Variants in THSD7B observed in about 807,000 individuals in gnomAD.
THSD7B encodes the protein thrombospondin type 1 domain containing 7B.
Under a neutral mutation model 213.6 loss-of-function variants are expected in THSD7B, and 138 were observed. The ratio of observed to expected loss-of-function variants is 0.65; its 90% CI spans 0.56 to 0.74. The LOEUF (loss-of-function observed/expected upper bound fraction) is 0.74. Among genes scored for constraint, THSD7B ranks in the 30% least tolerant of loss-of-function variants. The pLI is 0.00. For missense variants in THSD7B, 1,931 were observed against 1,991.5 expected (o/e 0.97, Z 0.58); for synonymous variants, 742 against 687.0 (o/e 1.08, Z -1.25).
intron 10 of THSD7B, among the ~76,000 whole-genome samples, chr2:137,267,347 G>A (rs1439756817): frequency 6.6e-6 from 1 of 152,026 alleles, no homozygotes; most frequent in Non-Finnish European, 1.5e-5. Context: ...TTCTTCATAG[G>A]CCTAATGAGG....
chr2:137,534,826 T>C (rs1022448730), intron 15 of THSD7B, among the ~76,000 whole-genome samples: 1 of 151,798 alleles, frequency 6.6e-6, no homozygotes, highest in Non-Finnish European at 1.5e-5. Context: ...TAACATATTC[T>C]TTCAGGTGAT....
At chr2:137,583,028 C>A (rs1342060842) in intron 17 of THSD7B, among the ~76,000 whole-genome samples, 1 of 152,186 alleles carries the variant, frequency 6.6e-6, no homozygotes, top group Non-Finnish European at 1.5e-5. Context: ...TGATGATCAC[C>A]ATTCTAACTG....
intron 15 of THSD7B, among the ~76,000 whole-genome samples, chr2:137,501,818 A>T (rs1315391617): frequency 6.6e-6 from 1 of 152,224 alleles, no homozygotes; most frequent in Non-Finnish European, 1.5e-5. Context: ...GAGATAAGTT[A>T]AATTTAGTGG....
At position 136,998,909 on chromosome 2, in the gene THSD7B, GACACACACACACACAC is replaced by G. The variant is rs57138045; in HGVS notation, c.140-57476_140-57461del. 9.3e-3 allele frequency among the ~76,000 whole-genome samples: 1,213 copies of G among 129,976 alleles called. 20 individuals are homozygous for G. The highest frequency in any genetic ancestry group is 0.032 in the African/African-American group (1,122 of 35,394). The allele number at this position is 129,976 out of a possible 152,430, so 85.3% of individuals were successfully genotyped here. A position where few individuals can be genotyped will look rare whatever the true frequency, so the allele number is the denominator to read the frequency against. On this transcript the variant is annotated intron_variant, in intron 2 of 27. Transcript: ENST00000409968. ...TTTCATGCTCCTTGAATACCCAACA[GACACACACACACACAC>G]ACACACACACACACACACACACACA...
chr2:137,614,084 A>G (rs962265508), intron 17 of THSD7B, among the ~76,000 whole-genome samples: 11 of 152,142 alleles, frequency 7.2e-5, no homozygotes, highest in African/African-American at 2.7e-4. Context: ...GCCTGTTTCT[A>G]TGGGAAGAAA....
At chr2:136,921,912 G>A (rs1184376315) in intron 2 of THSD7B, among the ~76,000 whole-genome samples, 3 of 152,196 alleles carry the variant, frequency 2.0e-5, no homozygotes, top group African/African-American at 7.2e-5. Context: ...TTTCTAAGCT[G>A]TAAAGAAAGG....
chr2:137,429,625 T>C (rs1687131780), intron 14 of THSD7B, among the ~76,000 whole-genome samples: 1 of 152,150 alleles, frequency 6.6e-6, no homozygotes, highest in South Asian at 2.1e-4. Context: ...GGTTAGACAT[T>C]GGGAAATTTT....
intron 3 of THSD7B, among the ~76,000 whole-genome samples, chr2:137,086,996 G>T (rs1323291483): frequency 6.6e-6 from 1 of 152,142 alleles, no homozygotes; most frequent in East Asian, 1.9e-4. Flanking sequence ...CACAACCAAA[G>T]GTCCCACTAA....
chr2:136,831,166 A>G (rs1001755779), intron 1 of THSD7B, among the ~76,000 whole-genome samples: 9 of 115,878 alleles, frequency 7.8e-5, no homozygotes, highest in Non-Finnish European at 1.1e-4. Flanking sequence ...CAATTTTCCA[A>G]TGGGATTTTC....
chr2:137,447,611 G>A (rs1232579271), intron 14 of THSD7B, among the ~76,000 whole-genome samples: 1 of 151,784 alleles, frequency 6.6e-6, no homozygotes, highest in African/African-American at 2.4e-5. Flanking sequence ...TTATGTTAGA[G>A]GATTAGTCTT....
intron 5 of THSD7B, among the ~76,000 whole-genome samples, chr2:137,115,777 A>G (rs892877): frequency 0.87 from 132,757 of 152,150 alleles, 58,311 homozygotes; most frequent in African/African-American, 0.94. Context: ...GGAGAAAACC[A>G]TAGCTTTCTC....
chr2:137,136,213 G>T lies in THSD7B; in HGVS notation c.1369+20920G>T, dbSNP rs186200974. On this transcript the variant is annotated intron_variant, in intron 5 of 27. Coordinates refer to ENST00000409968, the MANE Select transcript of THSD7B (RefSeq NM_001316349.2). ...TATTTCATGTAGGTGACAGGTTGAT[G>T]GGTGGAGCAAAACCACCAAGGCACA... 4.2e-3 allele frequency among the ~76,000 whole-genome samples: 643 copies of T among 152,188 alleles called. 3 individuals carry two copies. Among genetic ancestry groups the T allele is most frequent in the African/African-American group, 0.015 (616 of 41,536 alleles).
intron 12 of THSD7B, among the ~76,000 whole-genome samples, chr2:137,295,025 T>C (rs1183238444): frequency 6.6e-6 from 1 of 152,146 alleles, no homozygotes; most frequent in African/African-American, 2.4e-5. Context: ...AATACTCACA[T>C]ACTACTTTCA....
intron 15 of THSD7B, among the ~76,000 whole-genome samples, chr2:137,463,657 T>C (rs1265721479): frequency 6.6e-6 from 1 of 152,056 alleles, no homozygotes; most frequent in Non-Finnish European, 1.5e-5. Context: ...CAAAAGATGT[T>C]CTCTCTTTGA....
chr2:136,964,097 C>T (rs1685275452), intron 2 of THSD7B, among the ~76,000 whole-genome samples: 1 of 152,104 alleles, frequency 6.6e-6, no homozygotes, highest in African/African-American at 2.4e-5. Context: ...AATTTGATAC[C>T]ACGGGATTCC....
chr2:137,530,445 AT>A (rs571680398), intron 15 of THSD7B, among the ~76,000 whole-genome samples: 1 of 152,024 alleles, frequency 6.6e-6, no homozygotes, highest in South Asian at 2.1e-4. Context: ...AACAACTGAA[AT>A]GGGACTAAAC....
intron 2 of THSD7B, among the ~76,000 whole-genome samples, chr2:136,885,111 A>G (rs1245183059): frequency 6.6e-6 from 1 of 152,176 alleles, no homozygotes; most frequent in East Asian, 1.9e-4. Flanking sequence ...ACTCAGGTCC[A>G]GTGTAATTTG....
At chr2:137,430,006 A>G (rs10928609) in intron 14 of THSD7B, among the ~76,000 whole-genome samples, 149,252 of 152,216 alleles carry the variant, frequency 0.98, 73,235 homozygotes, top group Non-Finnish European at 1. Flanking sequence ...ACTTTGGGAA[A>G]CCTAGGTAGG....
At chr2:137,324,021 A>G (rs1223043633) in intron 12 of THSD7B, among the ~76,000 whole-genome samples, 2 of 152,206 alleles carry the variant, frequency 1.3e-5, no homozygotes, top group African/African-American at 4.8e-5. Context: ...AGTGGCCCAA[A>G]AAGAGATTTT....
Sources: gnomAD v4.1 joint callset for allele counts (sites outside exome capture counted in the v4.1 genomes callset) on GRCh38, gnomAD v4.1.1 for gene constraint, MANE v1.5 for transcripts, NCBI Gene and HGNC (gene_info 2026-07-23, HGNC 2026-07-21) for gene names.